ONECUT2: variants seen among roughly 807,000 people sequenced by gnomAD.
ONECUT2 encodes the protein one cut domain family member 2.
ONECUT2 carries 10 observed loss-of-function variants against 27.9 expected under a neutral mutation model. That is an observed-to-expected ratio of 0.36 (90% CI 0.22 to 0.61). ONECUT2 has a LOEUF of 0.61. ONECUT2 is among the 20% of genes least tolerant of loss of function. ONECUT2 has a pLI of 0.73. For missense variants in ONECUT2, 686 were observed against 721.0 expected (o/e 0.95, Z 0.56); for synonymous variants, 334 against 315.1 (o/e 1.06, Z -0.64).
chr18:57,467,295 G>A (rs1443139813), intron 1 of ONECUT2: 4 of 412,826 alleles, frequency 9.7e-6, no homozygotes, highest in East Asian at 1.5e-4. Flanking sequence ...CAGAGGCGGC[G>A]GTGTGGAGAA....
intron 1 of ONECUT2, among the ~76,000 whole-genome samples, chr18:57,439,079 G>T (rs2050160005): frequency 2.6e-5 from 4 of 152,196 alleles, no homozygotes; most frequent in South Asian, 2.1e-4. Flanking sequence ...TGCCGGTCGC[G>T]CAAAGAACAC....
At position 57,436,506 on chromosome 18, in the gene ONECUT2, G is replaced by A. The variant is rs2050143408; in HGVS notation, c.790G>A (p.Ala264Thr). 6.2e-7 allele frequency: 1 copy of A among 1,613,130 alleles called. No individual in the cohort carries two copies. The highest frequency in any genetic ancestry group is 8.5e-7 in the Non-Finnish European group (1 of 1,179,904). Residue 264 changes from alanine to threonine, a missense_variant, in exon 1 of 2, where the codon GCG becomes ACG. By Grantham distance (58) the Ala-to-Thr change is moderately conservative. Transcript: ENST00000491143. The surrounding 1 kb of genome is among the most constrained non-coding windows in gnomAD (Gnocchi z 5.9). ...HDKMLSPNFDAHHTAMLTRGE... is the reference protein window; with the variant it reads ...HDKMLSPNFDTHHTAMLTRGE... Reference sequence around the variant, plus strand: ...CAAAATGCTCAGCCCCAACTTCGACGCGCACCACACTGCCATGCTGACCCG... The same window carrying A: ...CAAAATGCTCAGCCCCAACTTCGACACGCACCACACTGCCATGCTGACCCG...
intron 1 of ONECUT2, among the ~76,000 whole-genome samples, chr18:57,459,812 G>T (rs2050280104): frequency 6.6e-6 from 1 of 152,204 alleles, no homozygotes; most frequent in Admixed American, 6.5e-5. Flanking sequence ...ACCCGCCTCA[G>T]CCTCCCAAAG....
chr18:57,452,851 G>A (rs2050238527), intron 1 of ONECUT2, among the ~76,000 whole-genome samples: 1 of 152,222 alleles, frequency 6.6e-6, no homozygotes, highest in African/African-American at 2.4e-5. Flanking sequence ...ATCCAATTCA[G>A]ATCTCAATTA....
chr18:57,455,916 G>A (rs1009915562), intron 1 of ONECUT2, among the ~76,000 whole-genome samples: 1 of 152,212 alleles, frequency 6.6e-6, no homozygotes, highest in Non-Finnish European at 1.5e-5. Flanking sequence ...CGTAGAGTAA[G>A]GAAGGTGGTT....
chr18:57,449,899 C>T (rs2050220741), intron 1 of ONECUT2, among the ~76,000 whole-genome samples: 1 of 152,222 alleles, frequency 6.6e-6, no homozygotes, highest in African/African-American at 2.4e-5. Context: ...ACAGAACAGC[C>T]TTGTTGGCTC....
intron 1 of ONECUT2, among the ~76,000 whole-genome samples, chr18:57,438,785 C>G (rs1050181834): frequency 6.6e-6 from 1 of 152,192 alleles, no homozygotes. Flanking sequence ...TTCATCCTCT[C>G]CTACAGTTTT....
At position 57,435,851 on chromosome 18, in the gene ONECUT2, C is replaced by T. The variant is rs909253898; in HGVS notation, c.135C>T (p.Gly45=). Residue 45 remains glycine (G), a synonymous_variant, in exon 1 of 2, where the codon GGC becomes GGT. Coordinates refer to ENST00000491143, the MANE Select transcript of ONECUT2 (RefSeq NM_004852.3). Reference sequence around the variant, plus strand: ...GCGGCGGCAGTGGCGGGGGCGGCGGCGGGGGCGGCGGGGGCGGCGGCGGGG... The same window carrying T: ...GCGGCGGCAGTGGCGGGGGCGGCGGTGGGGGCGGCGGGGGCGGCGGCGGGG... ...PAGGGSGGGG[G]GGGGGGGGGP... 4.0e-6 allele frequency: 3 copies of T among 750,852 alleles called. No individual in the cohort carries two copies. Among genetic ancestry groups the T allele is most frequent in the Non-Finnish European group, 4.9e-6 (3 of 616,222 alleles). 46.5% of individuals were successfully genotyped at this position (750,852 alleles called of 1,614,324 possible). A position where few individuals can be genotyped will look rare whatever the true frequency, so the allele number is the denominator to read the frequency against.
chr18:57,460,966 AGCCACCAC>A (rs1177662034), intron 1 of ONECUT2, among the ~76,000 whole-genome samples: 3 of 152,200 alleles, frequency 2.0e-5, no homozygotes, highest in African/African-American at 7.2e-5. Flanking sequence ...TTATGGCGTG[AGCCACCAC>A]GCCTGGACCC....
At chr18:57,443,566 C>T (rs1292418346) in intron 1 of ONECUT2, among the ~76,000 whole-genome samples, 1 of 152,196 alleles carries the variant, frequency 6.6e-6, no homozygotes, top group South Asian at 2.1e-4. Flanking sequence ...ACCTCTGTGC[C>T]TTTGGGGGAA....
Position 57,436,365 on chromosome 18 carries a change from A to T in ONECUT2, c.649A>T (p.Met217Leu). ...CAACCTCTACAGTCCCTACAAGGAGATGCCCGGCATGAGCCAGAGCCTGTC... is the reference window on the plus strand; with the variant it reads ...CAACCTCTACAGTCCCTACAAGGAGTTGCCCGGCATGAGCCAGAGCCTGTC... ...MNNLYSPYKE[M>L]PGMSQSLSPL... is the part of the protein sequence containing the mutation. Residue 217 changes from methionine (M) to leucine (L), a missense_variant, in exon 1 of 2, where the codon ATG becomes TTG. Transcript: ENST00000491143. The surrounding 1 kb of genome is among the most constrained non-coding windows in gnomAD (Gnocchi z 5.9). The T allele has an allele frequency of 6.2e-7, 1 of 1,607,478 alleles. No individual in the cohort carries two copies. The highest frequency in any genetic ancestry group is 8.5e-7 in the Non-Finnish European group (1 of 1,179,838).
chr18:57,476,054 A>G (rs2050380079), intron 1 of ONECUT2, among the ~76,000 whole-genome samples: 1 of 152,034 alleles, frequency 6.6e-6, no homozygotes, highest in Non-Finnish European at 1.5e-5. Flanking sequence ...GGTGAATATG[A>G]AAGAGGAACT....
At chr18:57,447,054 A>G (rs562713942) in intron 1 of ONECUT2, among the ~76,000 whole-genome samples, 1 of 152,314 alleles carries the variant, frequency 6.6e-6, no homozygotes, top group Non-Finnish European at 1.5e-5. Context: ...AGCAAACTCG[A>G]GTTTAGGCTT....
At chr18:57,469,380 A>T (rs2050341448) in intron 1 of ONECUT2, among the ~76,000 whole-genome samples, 1 of 152,184 alleles carries the variant, frequency 6.6e-6, no homozygotes, top group Non-Finnish European at 1.5e-5. Context: ...ACAAGATCAC[A>T]TTGAACTATT....
chr18:57,468,584 G>T (rs1174195201), intron 1 of ONECUT2, among the ~76,000 whole-genome samples: 1 of 152,194 alleles, frequency 6.6e-6, no homozygotes, highest in Non-Finnish European at 1.5e-5. Flanking sequence ...ATCAAGGCCT[G>T]GCTCCTCCCA....
At chr18:57,441,912 T>C (rs2050176365) in intron 1 of ONECUT2, among the ~76,000 whole-genome samples, 1 of 152,238 alleles carries the variant, frequency 6.6e-6, no homozygotes, top group Admixed American at 6.5e-5. Flanking sequence ...GAATCTTGTG[T>C]CCTACCTTGG....
Position 57,491,296 on chromosome 18 carries a change from T to C in ONECUT2, c.*14573T>C, listed in dbSNP as rs1321828256. On this transcript the variant is annotated 3_prime_UTR_variant, in exon 2 of 2. Coordinates refer to ENST00000491143, the MANE Select transcript of ONECUT2 (RefSeq NM_004852.3). ...TGTTAAATAAACTGCTTTAATTCAT[T>C]GACCATGGCTCAGTTGCCTTCTTTT... 6.6e-6 allele frequency: 1 copy of C among 152,662 alleles called. No homozygotes were observed. The highest frequency in any genetic ancestry group is 1.5e-5 in the Non-Finnish European group (1 of 68,042). The allele number at this position is 152,662 out of a possible 1,614,324, so 9.5% of individuals were successfully genotyped here. A position where few individuals can be genotyped will look rare whatever the true frequency, so the allele number is the denominator to read the frequency against.
chr18:57,473,782 C>A (rs2050367102), intron 1 of ONECUT2, among the ~76,000 whole-genome samples: 1 of 152,194 alleles, frequency 6.6e-6, no homozygotes, highest in East Asian at 1.9e-4. Context: ...TAGAGGACTT[C>A]AGATTGAGCA....
chr18:57,437,060 A>C, intron 1 of ONECUT2, 116 bp downstream of exon 1: 1 of 1,434,688 alleles, frequency 7.0e-7, no homozygotes, highest in Non-Finnish European at 9.1e-7. Context: ...TCTCTTTCCT[A>C]TACACGTCCT....
Sources: gnomAD v4.1 joint callset for allele counts (sites outside exome capture counted in the v4.1 genomes callset) on GRCh38, gnomAD v4.1.1 for gene constraint, Gnocchi (gnomAD v3.1) non-coding constraint, MANE v1.5 for transcripts, NCBI Gene and HGNC (gene_info 2026-07-23, HGNC 2026-07-21) for gene names.